Variants in FAM118A observed in about 807,000 individuals in gnomAD.
FAM118A encodes SIR2 antiphage like 2.
Under a neutral mutation model 38.2 loss-of-function variants are expected in FAM118A, and 25 were observed. The ratio of observed to expected loss-of-function variants is 0.65; its 90% CI spans 0.48 to 0.91. FAM118A has a LOEUF of 0.91. FAM118A is among the 40% of genes least tolerant of loss of function. FAM118A has a pLI of 0.00. For synonymous variants in FAM118A, 178 were observed against 184.1 expected, an observed-to-expected ratio of 0.97 and a Z score of 0.27; for missense variants, 425 against 463.3, an observed-to-expected ratio of 0.92 and a Z score of 0.76.
At chr22:45,330,859 A>T in intron 5 of FAM118A, 128 bp downstream of exon 5, 2 of 1,074,298 alleles carry the variant, frequency 1.9e-6, no homozygotes, top group South Asian at 3.4e-5. Flanking sequence ...CCCTGCACAC[A>T]GTTGCTGAGG....
chr22:45,311,351 G>C (rs1379252773), intron 1 of FAM118A, among the ~76,000 whole-genome samples: 1 of 152,200 alleles, frequency 6.6e-6, no homozygotes, highest in East Asian at 1.9e-4. Context: ...GGAGAACCCA[G>C]CTTTGCTCCC....
upstream of FAM118A, chr22:45,309,283 G>A (rs1479060946): frequency 6.6e-6 from 1 of 152,104 alleles, no homozygotes; most frequent in Non-Finnish European, 1.5e-5. Context: ...AAACATGTGG[G>A]CGGCCATGGT....
chr22:45,332,494 C>G lies in FAM118A; in HGVS notation c.721C>G (p.Gln241Glu), dbSNP rs758919923. 2 of 1,614,190 alleles carry G rather than the reference C, an allele frequency of 1.2e-6. No individual in the cohort carries two copies. The highest frequency in any genetic ancestry group is 1.7e-6 in the Non-Finnish European group (2 of 1,180,036). Residue 241 changes from glutamine (Q) to glutamate (E), a missense_variant, in exon 6 of 9, where the codon CAG becomes GAG. Coordinates refer to ENST00000441876, the MANE Select transcript of FAM118A (RefSeq NM_017911.4). ...FVGCGETLRD[Q>E]IFQALFLYSV... Reference sequence around the variant, plus strand: ...GGGCTGTGGGGAGACCCTTCGTGATCAGATATTCCAGGCCCTCTTTCTTTA... The same window carrying G: ...GGGCTGTGGGGAGACCCTTCGTGATGAGATATTCCAGGCCCTCTTTCTTTA...
At chr22:45,323,691 C>G (rs1380903714) in intron 3 of FAM118A, among the ~76,000 whole-genome samples, 1 of 152,180 alleles carries the variant, frequency 6.6e-6, no homozygotes, top group Non-Finnish European at 1.5e-5. Flanking sequence ...GGAGATTGTC[C>G]AGCTGCACTC....
In FAM118A at chr22:45,332,655, C is replaced by CT; in HGVS notation, c.885dup (p.Pro296SerfsTer20). 6.2e-7 allele frequency: 1 copy of CT among 1,614,102 alleles called. No homozygotes were observed. Among genetic ancestry groups the CT allele is most frequent in the Non-Finnish European group, 8.5e-7 (1 of 1,179,960 alleles). On this transcript the variant is annotated frameshift_variant, in exon 6 of 9. Coordinates refer to ENST00000441876, the MANE Select transcript of FAM118A (RefSeq NM_017911.4). LOFTEE classifies it high-confidence loss of function. ...TATCCTACGGGGACTGTTTTGACCA[C>CT]TTTCCAGGATATGTGCAAGACCTTG...
chr22:45,330,757 G>C (rs2085649948), intron 5 of FAM118A, 26 bp downstream of exon 5: 2 of 1,506,268 alleles, frequency 1.3e-6, no homozygotes, highest in Admixed American at 2.4e-5. Flanking sequence ...ATTAGCATCG[G>C]TGCGTCCTCT....
chr22:45,317,310 C>T (rs1394841192), intron 1 of FAM118A, among the ~76,000 whole-genome samples: 2 of 152,170 alleles, frequency 1.3e-5, no homozygotes, highest in Non-Finnish European at 2.9e-5. Flanking sequence ...ACCCGGGAGG[C>T]GGAGGTTGCA....
At chr22:45,339,331 G>C (rs887524557) in intron 8 of FAM118A, among the ~76,000 whole-genome samples, 1 of 151,012 alleles carries the variant, frequency 6.6e-6, no homozygotes, top group Non-Finnish European at 1.5e-5. Flanking sequence ...CCCAGGAGGC[G>C]GAGGTTGCAG....
intron 3 of FAM118A, among the ~76,000 whole-genome samples, chr22:45,326,882 C>T (rs1312451310): frequency 7.9e-6 from 1 of 125,822 alleles, no homozygotes; most frequent in Non-Finnish European, 1.6e-5. Flanking sequence ...GGTGTGTGTG[C>T]ACCTATAGTC....
chr22:45,323,040 A>ACT (rs1213829711), intron 2 of FAM118A, 135 bp from the exon 3 acceptor site: 14 of 518,934 alleles, frequency 2.7e-5, no homozygotes, highest in Non-Finnish European at 3.9e-5. Flanking sequence ...GTCAGAGGGG[A>ACT]CTGTGTGTGT....
chr22:45,338,871 A>G (rs2086281262), intron 8 of FAM118A, among the ~76,000 whole-genome samples: 1 of 152,220 alleles, frequency 6.6e-6, no homozygotes, highest in Non-Finnish European at 1.5e-5. Flanking sequence ...ACCATGTGCA[A>G]TAGTCCATGT....
At chr22:45,333,078 C>T (rs1164399528) in intron 6 of FAM118A, among the ~76,000 whole-genome samples, 1 of 152,130 alleles carries the variant, frequency 6.6e-6, no homozygotes, top group Non-Finnish European at 1.5e-5. Flanking sequence ...TCACAGGGCT[C>T]TTCCAGTTGT....
intron 6 of FAM118A, 28 bp from the exon 7 acceptor site, chr22:45,335,322 C>G: frequency 6.2e-7 from 1 of 1,614,104 alleles, no homozygotes; most frequent in Non-Finnish European, 8.5e-7. Context: ...TGTCTCGGCT[C>G]CACTGACTGC....
At chr22:45,337,367 C>T (rs556173610) in intron 8 of FAM118A, among the ~76,000 whole-genome samples, 2 of 152,330 alleles carry the variant, frequency 1.3e-5, no homozygotes, top group Non-Finnish European at 2.9e-5. Context: ...AGTGCCACGC[C>T]GCCTGTGCCA....
chr22:45,335,693 T>C (rs2086034683), intron 7 of FAM118A, among the ~76,000 whole-genome samples: 1 of 152,226 alleles, frequency 6.6e-6, no homozygotes. Context: ...TGTGATACCA[T>C]GTGGTGCCAG....
chr22:45,311,044 G>A (rs2084341020), intron 1 of FAM118A, among the ~76,000 whole-genome samples: 2 of 152,354 alleles, frequency 1.3e-5, no homozygotes, highest in Non-Finnish European at 2.9e-5. Flanking sequence ...TTTATCTGGA[G>A]GAAGCTGTGT....
chr22:45,337,874 G>T, intron 8 of FAM118A: 2 of 985,332 alleles, frequency 2.0e-6, no homozygotes, highest in Non-Finnish European at 2.4e-6. Context: ...TTTTGGCATG[G>T]GATTCTCCGT....
intron 2 of FAM118A, among the ~76,000 whole-genome samples, 179 bp from the exon 3 acceptor site, chr22:45,322,996 G>T (rs1237260830): frequency 6.6e-6 from 1 of 151,388 alleles, no homozygotes; most frequent in Admixed American, 6.6e-5. Context: ...AAATAAATAC[G>T]CAAAGAAGGA....
At chr22:45,317,497 A>G (rs1178463414) in intron 1 of FAM118A, among the ~76,000 whole-genome samples, 1 of 152,208 alleles carries the variant, frequency 6.6e-6, no homozygotes, top group African/African-American at 2.4e-5. Context: ...GAAAGCGAGT[A>G]ATTTAAGGTT....
Sources: allele counts gnomAD v4.1 joint callset (sites outside exome capture counted in the v4.1 genomes callset), GRCh38; gene constraint gnomAD v4.1.1; transcripts MANE v1.5; gene names NCBI Gene and HGNC (gene_info 2026-07-23, HGNC 2026-07-21).